The following ASPRV1 variants were observed in gnomAD, a reference collection of about 807,000 sequenced individuals.
ASPRV1 encodes the protein retroviral-like aspartic protease 1.
ASPRV1 carries 7 observed loss-of-function variants against 11.0 expected under a neutral mutation model. That is an observed-to-expected ratio of 0.64 (90% CI 0.36 to 1.20). The LOEUF (loss-of-function observed/expected upper bound fraction) is 1.20, where lower values mean the gene tolerates loss of function less well. Ranked by LOEUF, ASPRV1 falls within the 50% of genes most tolerant of loss-of-function variation. The probability of loss-of-function intolerance (pLI) is 0.02; values close to 1 mark genes in which losing one functional copy is unlikely to be tolerated. For missense variants in ASPRV1, 299 were observed against 320.0 expected, an observed-to-expected ratio of 0.93 and a Z score of 0.50; for synonymous variants, 136 against 138.4, an observed-to-expected ratio of 0.98 and a Z score of 0.12.
the ASPRV1 span, among the ~76,000 whole-genome samples, chr2:70,059,286 A>AT: frequency 8.1e-5 from 11 of 136,624 alleles, no homozygotes; most frequent in Non-Finnish European, 1.1e-4. Flanking sequence ...GGTAAATTGA[A>AT]TTTTTTTTTT....
At chr2:69,982,525 C>A in the ASPRV1 span, among the ~76,000 whole-genome samples, 2 of 152,092 alleles carry the variant, frequency 1.3e-5, no homozygotes, top group South Asian at 4.1e-4. Flanking sequence ...AGCTTTCTGG[C>A]CATATGGGTA....
chr2:70,075,469 A>G, the ASPRV1 span, among the ~76,000 whole-genome samples: 1 of 152,076 alleles, frequency 6.6e-6, no homozygotes, highest in Non-Finnish European at 1.5e-5. Flanking sequence ...CTTCAACTCT[A>G]TAAAACGGGG....
chr2:70,039,530 A>G, the ASPRV1 span, among the ~76,000 whole-genome samples: 55 of 152,344 alleles, frequency 3.6e-4, no homozygotes, highest in African/African-American at 1.3e-3. Context: ...CTCAATCCTT[A>G]GACGTTTAAA....
the ASPRV1 span, among the ~76,000 whole-genome samples, chr2:70,008,323 A>G: frequency 3.1e-4 from 47 of 152,324 alleles, no homozygotes; most frequent in African/African-American, 1.1e-3. Context: ...AAGAAATCAA[A>G]TTTTAGTCTA....
the ASPRV1 span, among the ~76,000 whole-genome samples, chr2:70,086,754 G>A: frequency 6.6e-6 from 1 of 152,274 alleles, no homozygotes; most frequent in Non-Finnish European, 1.5e-5. Context: ...AGAAACTTGC[G>A]AAACGCAAAC....
chr2:69,955,496 G>A (rs1167613837), downstream of ASPRV1, among the ~76,000 whole-genome samples: 1 of 152,314 alleles, frequency 6.6e-6, no homozygotes, highest in East Asian at 1.9e-4. Context: ...TGAATGAGTG[G>A]GCGCTCCTAA....
At chr2:70,074,511 C>T in the ASPRV1 span, among the ~76,000 whole-genome samples, 8 of 151,340 alleles carry the variant, frequency 5.3e-5, no homozygotes, top group Non-Finnish European at 7.4e-5. Context: ...CTCCTGACCT[C>T]GTAATCCGCC....
chr2:70,024,893 G>C, the ASPRV1 span, among the ~76,000 whole-genome samples: 1 of 152,148 alleles, frequency 6.6e-6, no homozygotes, highest in Non-Finnish European at 1.5e-5. Flanking sequence ...CACAGAAGAG[G>C]TCTAGGAAGG....
chr2:70,009,311 C>CTTATTTATTTATTTATTTAT, the ASPRV1 span, among the ~76,000 whole-genome samples: 110 of 147,646 alleles, frequency 7.5e-4, no homozygotes, highest in Admixed American at 2.4e-3. Context: ...AATTTATTGT[C>CTTATTTATTTATTTATTTAT]TTATTTATTT....
the ASPRV1 span, among the ~76,000 whole-genome samples, chr2:70,020,957 T>C: frequency 1.3e-5 from 2 of 152,194 alleles, no homozygotes; most frequent in Non-Finnish European, 2.9e-5. Flanking sequence ...AATATAAATG[T>C]ACTCAATACT....
chr2:69,939,144 T>TC, the ASPRV1 span: 7,944 of 151,936 alleles, frequency 0.052, 643 homozygotes, highest in Admixed American at 0.21. Flanking sequence ...TATCCTTTTT[T>TC]CCCCCCCCAA....
At chr2:69,987,521 G>A in the ASPRV1 span, among the ~76,000 whole-genome samples, 1 of 150,208 alleles carries the variant, frequency 6.7e-6, no homozygotes, top group Admixed American at 6.7e-5. Context: ...CAAGGCAGGA[G>A]GATCACTTGA....
At chr2:69,949,879 G>T in the ASPRV1 span, among the ~76,000 whole-genome samples, 4 of 152,238 alleles carry the variant, frequency 2.6e-5, no homozygotes, top group African/African-American at 9.6e-5. Flanking sequence ...GCAATGGCAC[G>T]ATCTCAGCTC....
upstream of ASPRV1, chr2:69,963,010 AAGAGCC>A (rs1678187908): frequency 1.0e-4 from 33 of 322,390 alleles, no homozygotes; most frequent in South Asian, 8.1e-4. Flanking sequence ...TTTCCTGGCC[AAGAGCC>A]TGTCCCTCTT....
the ASPRV1 span, among the ~76,000 whole-genome samples, chr2:69,985,656 C>T: frequency 6.2e-3 from 941 of 152,312 alleles, 10 homozygotes; most frequent in African/African-American, 0.021. Context: ...TTTAAAATTC[C>T]TTCCATTCAA....
chr2:69,932,974 A>G, the ASPRV1 span, among the ~76,000 whole-genome samples: 4 of 152,194 alleles, frequency 2.6e-5, no homozygotes, highest in Non-Finnish European at 5.9e-5. Flanking sequence ...TGAGGCAGGC[A>G]GATTGCTTGA....
the ASPRV1 span, among the ~76,000 whole-genome samples, chr2:70,014,082 G>A: frequency 0.22 from 33,680 of 152,034 alleles, 6,496 homozygotes; most frequent in African/African-American, 0.48. Flanking sequence ...TAAGAGTGTA[G>A]AAGAGCATAT....
the ASPRV1 span, among the ~76,000 whole-genome samples, chr2:69,949,248 G>C: frequency 6.7e-6 from 1 of 150,360 alleles, no homozygotes; most frequent in Non-Finnish European, 1.5e-5. Context: ...CTTGGGGATG[G>C]ATGGGCGAAT....
chr2:69,958,366 T>C (rs1677986839), downstream of ASPRV1, among the ~76,000 whole-genome samples: 2 of 152,128 alleles, frequency 1.3e-5, no homozygotes, highest in Non-Finnish European at 2.9e-5. Flanking sequence ...GGCTGAGAGC[T>C]GGAGACCTGG....
Sources: allele counts gnomAD v4.1 joint callset (sites outside exome capture counted in the v4.1 genomes callset), GRCh38; gene constraint gnomAD v4.1.1; transcripts MANE v1.5; gene names NCBI Gene and HGNC (gene_info 2026-07-23, HGNC 2026-07-21).